Variants in WDR62 observed in about 807,000 individuals in gnomAD.
WDR62 encodes the protein WD repeat-containing protein 62.
In WDR62, 112 loss-of-function variants were observed where a neutral mutation model predicts 160.6. That is an observed-to-expected ratio of 0.70 (90% CI 0.60 to 0.82). WDR62 has a LOEUF of 0.82. WDR62 is among the 40% of genes least tolerant of loss of function. The probability of loss-of-function intolerance (pLI) is 0.00; values close to 1 mark genes in which losing one functional copy is unlikely to be tolerated. For missense variants in WDR62, 1,819 were observed against 1,983.8 expected (o/e 0.92, Z 1.58); for synonymous variants, 792 against 815.1 (o/e 0.97, Z 0.48).
downstream of WDR62, among the ~76,000 whole-genome samples, chr19:36,107,035 CCT>C (rs765991843): frequency 1.8e-4 from 27 of 152,120 alleles, no homozygotes; most frequent in Non-Finnish European, 4.0e-4. Context: ...CCACCTTGGG[CCT>C]CTGTCATGCA....
intron 31 of WDR62, 22 bp downstream of exon 31, chr19:36,104,697 G>A (rs772405832): frequency 5.6e-6 from 9 of 1,613,900 alleles, no homozygotes; most frequent in Admixed American, 1.7e-5. Flanking sequence ...CCCAGAGTTG[G>A]GAAAGGGTTG....
rs745765852 is a variant in WDR62 at position 36,103,854 on chromosome 19, T to G, written c.4026T>G (p.Ser1342=). Residue 1342 remains serine (S), a synonymous_variant, in exon 30 of 32, where the codon TCT becomes TCG. Coordinates refer to ENST00000401500, the MANE Select transcript of WDR62 (RefSeq NM_001083961.2). ...AGAGCGCCCTGAGGCTCCACGGCTC[T>G]GCCTTTCGCCCAAGTCTCCCAGCTC... ...VEESALRLHG[S]AFRPSLPAPE... 1.2e-6 allele frequency: 2 copies of G among 1,603,752 alleles called. No homozygotes were observed. Among genetic ancestry groups the G allele is most frequent in the South Asian group, 2.2e-5 (2 of 91,070 alleles).
At chr19:36,089,390 C>T in intron 15 of WDR62, 84 bp downstream of exon 15, 11 of 1,609,404 alleles carry the variant, frequency 6.8e-6, no homozygotes, top group South Asian at 1.1e-5. Context: ...CCTCTGGTCC[C>T]CAAGAAGCTG....
intron 26 of WDR62, chr19:36,102,399 T>C: frequency 1.6e-6 from 1 of 608,828 alleles, no homozygotes; most frequent in South Asian, 1.9e-5. Flanking sequence ...TAGCTGGGAT[T>C]ATAGGCATCC....
At chr19:36,096,304 G>T (rs1972950058) in intron 20 of WDR62, among the ~76,000 whole-genome samples, 1 of 151,924 alleles carries the variant, frequency 6.6e-6, no homozygotes, top group Admixed American at 6.6e-5. Context: ...AGGTCTCACT[G>T]TGTTGCCCAG....
At chr19:36,058,748 G>A (rs1347962990) in intron 1 of WDR62, 32 bp from the exon 2 acceptor site, 5 of 1,587,538 alleles carry the variant, frequency 3.1e-6, no homozygotes, top group Admixed American at 1.7e-5. Flanking sequence ...TGGCTAGGGT[G>A]GGTGCCTCTG....
downstream of WDR62, among the ~76,000 whole-genome samples, chr19:36,108,556 G>A (rs892503838): frequency 7.0e-6 from 1 of 142,748 alleles, no homozygotes; most frequent in African/African-American, 2.9e-5. Context: ...TGTTTGCCCA[G>A]AGGAGGGATT....
At chr19:36,098,216 C>T (rs1212903219) in intron 21 of WDR62, among the ~76,000 whole-genome samples, 2 of 151,434 alleles carry the variant, frequency 1.3e-5, no homozygotes, top group Non-Finnish European at 2.9e-5. Flanking sequence ...CTGCAGTGAT[C>T]GTGCTACTGC....
chr19:36,089,212 A>T lies in WDR62; in HGVS notation c.1864A>T (p.Thr622Ser). 6.2e-7 allele frequency: 1 copy of T among 1,614,190 alleles called. No individual in the cohort carries two copies. Among genetic ancestry groups the T allele is most frequent in the Non-Finnish European group, 8.5e-7 (1 of 1,180,028 alleles). Residue 622 changes from threonine to serine, a missense_variant, in exon 15 of 32, where the codon ACC becomes TCC. Coordinates refer to ENST00000401500, the MANE Select transcript of WDR62 (RefSeq NM_001083961.2). ...TTCGGATGGACTACACTTTGTCCGT[A>T]CCCACCACGTAGCAGAGAAAACCAC... ...QGSDGLHFVR[T>S]HHVAEKTTLY...
Position 36,102,107 on chromosome 19 carries a change from T to C in WDR62, c.3176T>C (p.Phe1059Ser). The C allele has an allele frequency of 6.2e-7, 1 of 1,614,072 alleles. No individual in the cohort carries two copies. Among genetic ancestry groups the C allele is most frequent in the Non-Finnish European group, 8.5e-7 (1 of 1,180,022 alleles). The change falls in exon 26 of 32, where the codon TTC becomes TCC. Residue 1059 changes from phenylalanine to serine, a missense_variant. Physicochemically the swap from Phe to Ser is radical, Grantham distance 155. Around this residue, in one of 3 missense-constraint regions of WDR62, gnomAD observed 770 missense variants for 734.2 expected, o/e 1.05. Transcript: ENST00000401500. The part of the protein sequence containing the change: ...SLPQTPEQEK[F>S]LRHHFETLTE... ...CCCCAGACTCCGGAGCAGGAGAAGT[T>C]CCTCCGCCACCACTTTGAGACACTG...
At chr19:36,096,829 A>T (rs1972995032) in intron 20 of WDR62, among the ~76,000 whole-genome samples, 198 bp from the exon 21 acceptor site, 1 of 152,106 alleles carries the variant, frequency 6.6e-6, no homozygotes, top group South Asian at 2.1e-4. Context: ...TGGTAGTATT[A>T]AGCTTTTTCA....
At chr19:36,083,272 A>C in intron 11 of WDR62, 31 bp downstream of exon 11, 2 of 1,568,090 alleles carry the variant, frequency 1.3e-6, no homozygotes, top group Non-Finnish European at 1.7e-6. Context: ...TCCAGTGTAC[A>C]CCTCCCAGCT....
At chr19:36,107,061 C>T (rs1366645630), downstream of WDR62, among the ~76,000 whole-genome samples, 2 of 152,196 alleles carry the variant, frequency 1.3e-5, no homozygotes, top group African/African-American at 2.4e-5. Context: ...AATTACCCTT[C>T]CTTCCAACCT....
rs371545557 is a variant in WDR62 at position 36,102,090 on chromosome 19, T to C, written c.3159T>C (p.Thr1053=). The C allele has an allele frequency of 1.2e-6, 2 of 1,613,908 alleles. No homozygotes were observed. The highest frequency in any genetic ancestry group is 1.7e-6 in the Non-Finnish European group (2 of 1,180,018). The change falls in exon 26 of 32, where the codon ACT becomes ACC. Residue 1053 remains threonine, a synonymous_variant. Coordinates refer to ENST00000401500, the MANE Select transcript of WDR62 (RefSeq NM_001083961.2). ...TCCCCAGCAGCTCCCTACCCCAGAC[T>C]CCGGAGCAGGAGAAGTTCCTCCGCC... The part of the protein sequence containing the change: ...PSVPSSSLPQ[T]PEQEKFLRHH...
intron 9 of WDR62, among the ~76,000 whole-genome samples, chr19:36,077,276 C>CTTTT (rs71167590): frequency 1.1e-5 from 1 of 87,142 alleles, no homozygotes; most frequent in Non-Finnish European, 2.2e-5. Flanking sequence ...TCCTTCCTTC[C>CTTTT]TTTTTTTTTT....
At chr19:36,077,605 C>T (rs1568341080) in intron 9 of WDR62, among the ~76,000 whole-genome samples, 1 of 138,818 alleles carries the variant, frequency 7.2e-6, no homozygotes, top group Non-Finnish European at 1.6e-5. Flanking sequence ...CTCTTTCTTT[C>T]TTTTTTTTTT....
chr19:36,081,818 G>A, intron 10 of WDR62: 1 of 635,520 alleles, frequency 1.6e-6, no homozygotes, highest in Middle Eastern at 2.5e-4. Flanking sequence ...GCAGATGTGT[G>A]GACGTGGCCA....
In WDR62 at chr19:36,083,063, A is replaced by G; in HGVS notation, c.1372A>G (p.Thr458Ala). The change falls in exon 11 of 32, where the codon ACC becomes GCC. Residue 458 changes from threonine (T) to alanine (A), a missense_variant and splice_region_variant. This residue lies in a region of WDR62 where 934 missense variants were observed against 1,157.2 expected (regional missense o/e 0.81). Transcript: ENST00000401500. ...GACCTCAGCCCTGTCCTTCCTGCAG[A>G]CCCTGCTGAAGGTCGTGTACGTGGA... ...SHWQKNIFSN[T>A]LLKVVYVEND... The G allele has an allele frequency of 1.2e-6, 2 of 1,611,078 alleles. No homozygotes were observed. Among genetic ancestry groups the G allele is most frequent in the Non-Finnish European group, 1.7e-6 (2 of 1,178,588 alleles).
chr19:36,065,892 G>A (rs181461809), intron 3 of WDR62, 66 bp from the exon 4 acceptor site: 9 of 1,526,920 alleles, frequency 5.9e-6, no homozygotes, highest in East Asian at 4.5e-5. Flanking sequence ...TATCAGAGTC[G>A]CCAGGATGGG....
Sources: gnomAD v4.1 joint callset for allele counts (sites outside exome capture counted in the v4.1 genomes callset) on GRCh38, gnomAD v4.1.1 for gene constraint, gnomAD v4.1.1 regional missense constraint, MANE v1.5 for transcripts, NCBI Gene and HGNC (gene_info 2026-07-23, HGNC 2026-07-21) for gene names.